The following OR8G1 variants were observed in gnomAD, a reference collection of about 807,000 sequenced individuals.
The protein encoded by OR8G1 is olfactory receptor 8G1.
For missense variants in OR8G1, 372 were observed against 356.2 expected (o/e 1.04, Z -0.36); for synonymous variants, 129 against 133.3 (o/e 0.97, Z 0.22).
Position 124,250,833 on chromosome 11 carries a change from G to A in OR8G1, c.*222G>A, listed in dbSNP as rs1435325052. 19 of 249,530 alleles carry A rather than the reference G, an allele frequency of 7.6e-5. 6 individuals are homozygous for A. The highest frequency in any genetic ancestry group is 3.9e-4 in the African/African-American group (10 of 25,318). 15.5% of individuals were successfully genotyped at this position (249,530 alleles called of 1,614,324 possible). On this transcript the variant is annotated 3_prime_UTR_variant, in exon 3 of 3. Transcript: ENST00000641972. ...ACAAATTAATATAAATACTAAAATCGACATGAGTACATAGACTCATTAATG... is the reference window on the plus strand; with the variant it reads ...ACAAATTAATATAAATACTAAAATCAACATGAGTACATAGACTCATTAATG...
At chr11:124,245,345 C>T (rs1861801372) in intron 1 of OR8G1, among the ~76,000 whole-genome samples, 1 of 150,752 alleles carries the variant, frequency 6.6e-6, no homozygotes, top group Non-Finnish European at 1.5e-5. Flanking sequence ...GATATGAACT[C>T]ATCATTTTTT....
In OR8G1 at chr11:124,249,994, T is replaced by C. The variant is rs1861849929; in HGVS notation, c.319T>C (p.Phe107Leu). 6.2e-7 allele frequency: 1 copy of C among 1,613,802 alleles called. No individual in the cohort carries two copies. ...CMTQLYFFLV[F>L]AIAECHMLAA... ...GACTCAGCTCTACTTCTTCCTCGTT[T>C]TTGCTATTGCAGAGTGTCACATGTT... Residue 107 changes from phenylalanine (F) to leucine (L), a missense_variant, in exon 3 of 3, where the codon TTT (phenylalanine) becomes CTT (leucine). Coordinates refer to ENST00000641972, the MANE Select transcript of OR8G1 (RefSeq NM_001002905.2).
chr11:124,249,421 TA>T (rs1263626868), intron 2 of OR8G1, among the ~76,000 whole-genome samples: 2 of 108,768 alleles, frequency 1.8e-5, no homozygotes, highest in African/African-American at 8.4e-5. Flanking sequence ...CTGAAATATT[TA>T]AAAGAAGAAA....
chr11:124,249,772 G>T lies in OR8G1; in HGVS notation c.97G>T (p.Gly33Ter), dbSNP rs760133703. Residue 33 changes from glycine (G) to a stop codon, truncating the protein, a stop_gained, in exon 3 of 3, where the codon GGA becomes TGA. Coordinates refer to ENST00000641972, the MANE Select transcript of OR8G1 (RefSeq NM_001002905.2). LOFTEE classifies it low-confidence loss of function (END_TRUNC). ...GCTGCCCCTCTTCCTCCTGTTCTTAGGAATCTATGTGGTCACAGTGGTGGG... is the reference window on the plus strand; with the variant it reads ...GCTGCCCCTCTTCCTCCTGTTCTTATGAATCTATGTGGTCACAGTGGTGGG... ...LQLPLFLLFL[G>*]IYVVTVVGNL... 7 of 1,613,762 alleles carry T rather than the reference G, an allele frequency of 4.3e-6. No homozygotes were observed. In the African/African-American group the frequency reaches 6.7e-5, roughly 15 times the overall value.
Position 124,247,845 on chromosome 11 carries a change from A to C in OR8G1, c.-52A>C, listed in dbSNP as rs1450911686. The stretch of plus-strand genomic sequence containing the variant: ...AGGCTGTCATGAACATTTTTGTATA[A>C]ATCTTCATGTAGACAAACGTTTACA... On this transcript the variant is annotated 5_prime_UTR_variant, in exon 2 of 3. The change abolishes the stop of an existing upstream ORF in the 5' untranslated region. Transcript: ENST00000641972. The C allele has an allele frequency of 6.6e-6, 1 of 151,798 alleles. No individual in the cohort carries two copies. Among genetic ancestry groups the C allele is most frequent in the Non-Finnish European group, 1.5e-5 (1 of 67,824 alleles). 9.4% of individuals were successfully genotyped at this position (151,798 alleles called of 1,614,324 possible).
In OR8G1 at chr11:124,250,403, C is replaced by G. The variant is rs1452810843; in HGVS notation, c.728C>G (p.Ser243Cys). The G allele has an allele frequency of 6.2e-7, 1 of 1,613,764 alleles. No homozygotes were observed. Among genetic ancestry groups the G allele is most frequent in the South Asian group, 1.1e-5 (1 of 91,076 alleles). The change falls in exon 3 of 3, where the codon TCC becomes TGC. Residue 243 changes from serine (S) to cysteine (C), a missense_variant. Physicochemically the swap from Ser to Cys is moderately radical, Grantham distance 112. Transcript: ENST00000641972. ...TCCAAAGCCTTCAGCACTTGTAGCT[C>G]CCACATGTTGGCGGTTGTAATCTTT... ...GRSKAFSTCS[S>C]HMLAVVIFFG...
chr11:124,248,560 CAT>C (rs1198751689), intron 2 of OR8G1, among the ~76,000 whole-genome samples: 1 of 151,604 alleles, frequency 6.6e-6, no homozygotes, highest in Non-Finnish European at 1.5e-5. Flanking sequence ...TTAGGTTTTC[CAT>C]ATATAATATT....
chr11:124,248,147 A>C lies in OR8G1; in HGVS notation c.-17+267A>C, dbSNP rs773659287. Among the ~76,000 whole-genome samples, 63 of 151,952 alleles carry C rather than the reference A, an allele frequency of 4.1e-4. 1 individual carries two copies. Among genetic ancestry groups the C allele is most frequent in the Admixed American group, 9.9e-4 (15 of 15,208 alleles). On this transcript the variant is annotated intron_variant, in intron 2 of 2. Transcript: ENST00000641972. ...GCATATTTTCATATACTTAAGGACT[A>C]TTCATACATATTTTTGTAAGGAATT...
At chr11:124,248,547 T>A (rs11219533) in intron 2 of OR8G1, among the ~76,000 whole-genome samples, 56,347 of 151,762 alleles carry the variant, frequency 0.37, 10,689 homozygotes, top group East Asian at 0.47. Context: ...AAGATATACA[T>A]TTTTAGGTTT....
intron 1 of OR8G1, 134 bp downstream of exon 1, chr11:124,241,498 C>A (rs1185562833): frequency 6.6e-6 from 1 of 152,086 alleles, no homozygotes; most frequent in African/African-American, 2.4e-5. Context: ...TTTAAACCCT[C>A]TTCAGTGGGC....
In OR8G1 at chr11:124,250,739, T is replaced by G. The variant is rs1282889778; in HGVS notation, c.*128T>G. On this transcript the variant is annotated 3_prime_UTR_variant, in exon 3 of 3. Transcript: ENST00000641972. ...ATTTGGTGAGATTATATTACCATTA[T>G]TTTTTCATTTCATGACCCTTTGATG... is the stretch of plus-strand genomic sequence containing the variant. The G allele has an allele frequency of 2.6e-6, 1 of 383,638 alleles. No homozygotes were observed. The highest frequency in any genetic ancestry group is 3.8e-5 in the East Asian group (1 of 26,342). The allele number at this position is 383,638 out of a possible 1,614,324, so 23.8% of individuals were successfully genotyped here.
Position 124,250,078 on chromosome 11 carries a change from A to G in OR8G1, c.403A>G (p.Ile135Val). ...CTGTAGCCCCTTGCTGTACAGTGTC[A>G]TCATATCCAATAAGGCTTGCTTTTC... is the stretch of plus-strand genomic sequence containing the variant. The part of the protein sequence containing the change: ...AICSPLLYSV[I>V]ISNKACFSLI... The change falls in exon 3 of 3, where the codon ATC becomes GTC. Residue 135 changes from isoleucine (I) to valine (V), a missense_variant. Transcript: ENST00000641972. 6.2e-7 allele frequency: 1 copy of G among 1,613,798 alleles called. No homozygotes were observed. The highest frequency in any genetic ancestry group is 1.1e-5 in the South Asian group (1 of 91,082).
At chr11:124,249,004 C>A (rs915042312) in intron 2 of OR8G1, among the ~76,000 whole-genome samples, 1 of 152,088 alleles carries the variant, frequency 6.6e-6, no homozygotes, top group Non-Finnish European at 1.5e-5. Flanking sequence ...AACATAGGCA[C>A]TTTGAGTTTA....
At chr11:124,242,296 T>C (rs1005528724) in intron 1 of OR8G1, among the ~76,000 whole-genome samples, 9 of 152,064 alleles carry the variant, frequency 5.9e-5, no homozygotes, top group Non-Finnish European at 1.3e-4. Flanking sequence ...TTGTGTGCCT[T>C]CCATCTTATC....
chr11:124,242,855 T>C (rs1446805140), intron 1 of OR8G1, among the ~76,000 whole-genome samples: 1 of 152,022 alleles, frequency 6.6e-6, no homozygotes, highest in Non-Finnish European at 1.5e-5. Context: ...TTTTAGCTAT[T>C]TTCAGTGTCT....
Position 124,250,398 on chromosome 11 carries a change from T to C in OR8G1, c.723T>C (p.Cys241=), listed in dbSNP as rs1861858334. Reference sequence around the variant, plus strand: ...GCAGGTCCAAAGCCTTCAGCACTTGTAGCTCCCACATGTTGGCGGTTGTAA... The same window carrying C: ...GCAGGTCCAAAGCCTTCAGCACTTGCAGCTCCCACATGTTGGCGGTTGTAA... ...TEGRSKAFST[C]SSHMLAVVIF... is the part of the protein sequence containing the mutation. Residue 241 remains cysteine (C), a synonymous_variant, in exon 3 of 3, where the codon TGT becomes TGC. Transcript: ENST00000641972. 2 of 1,613,800 alleles carry C rather than the reference T, an allele frequency of 1.2e-6. No homozygotes were observed. Among genetic ancestry groups the C allele is most frequent in the Non-Finnish European group, 1.7e-6 (2 of 1,179,812 alleles).
At position 124,250,548 on chromosome 11, in the gene OR8G1, C is replaced by T; in HGVS notation, c.873C>T (p.Ser291=). 2 of 453,614 alleles carry T rather than the reference C, an allele frequency of 4.4e-6. 1 individual carries two copies. The highest frequency in any genetic ancestry group is 5.7e-6 in the Non-Finnish European group (2 of 348,262). The allele number at this position is 453,614 out of a possible 1,614,324, so 28.1% of individuals were successfully genotyped here. A position where few individuals can be genotyped will look rare whatever the true frequency, so the allele number is the denominator to read the frequency against. The part of the protein sequence containing the change: ...IVPMLNPLIY[S]LRNKDVHVSL... ...CCATGTTGAACCCTCTGATTTATAGCCTGAGGAATAAAGATGTCCATGTTT... is the reference window on the plus strand; with the variant it reads ...CCATGTTGAACCCTCTGATTTATAGTCTGAGGAATAAAGATGTCCATGTTT... The change falls in exon 3 of 3, where the codon AGC becomes AGT. Residue 291 remains serine (S), a synonymous_variant. Coordinates refer to ENST00000641972, the MANE Select transcript of OR8G1 (RefSeq NM_001002905.2).
At chr11:124,243,461 A>T (rs1185296770) in intron 1 of OR8G1, among the ~76,000 whole-genome samples, 1 of 151,836 alleles carries the variant, frequency 6.6e-6, no homozygotes, top group African/African-American at 2.4e-5. Context: ...CAAAAGTTGC[A>T]TGCCTCTCTA....
intron 1 of OR8G1, among the ~76,000 whole-genome samples, chr11:124,244,265 G>A (rs979788002): frequency 6.6e-6 from 1 of 151,912 alleles, no homozygotes; most frequent in Non-Finnish European, 1.5e-5. Context: ...ACAGGACTAA[G>A]CACATAGGGA....
Sources: allele counts gnomAD v4.1 joint callset (sites outside exome capture counted in the v4.1 genomes callset), GRCh38; gene constraint gnomAD v4.1.1; transcripts MANE v1.5; gene names NCBI Gene and HGNC (gene_info 2026-07-23, HGNC 2026-07-21).